The following CDH13 variants were observed in gnomAD, a reference collection of about 807,000 sequenced individuals.
CDH13 encodes the protein cadherin 13.
A neutral mutation model predicts 63.8 loss-of-function variants in CDH13; 24 were observed. The ratio of observed to expected loss-of-function variants is 0.38; its 90% CI spans 0.27 to 0.53. CDH13 has a LOEUF of 0.53. Ranked by LOEUF, CDH13 falls within the 20% of genes least tolerant of loss-of-function variation. The pLI is 0.85. For missense variants in CDH13, 1,049 were observed against 903.1 expected (o/e 1.16, Z -2.07); for synonymous variants, 503 against 355.3 (o/e 1.42, Z -4.67).
chr16:83,359,008 CTTCGTGT>C (rs1304958331), intron 6 of CDH13, among the ~76,000 whole-genome samples: 1 of 152,136 alleles, frequency 6.6e-6, no homozygotes, highest in Non-Finnish European at 1.5e-5. Context: ...AGTGTGCTGG[CTTCGTGT>C]CCACATTCCA....
At chr16:83,636,518 G>A (rs1273443593) in intron 8 of CDH13, among the ~76,000 whole-genome samples, 3 of 151,974 alleles carry the variant, frequency 2.0e-5, no homozygotes, top group Non-Finnish European at 4.4e-5. Flanking sequence ...CTCTCACTTC[G>A]GACTGAGAAC....
chr16:83,707,298 CTT>C (rs1209191975), intron 10 of CDH13, among the ~76,000 whole-genome samples: 1 of 152,192 alleles, frequency 6.6e-6, no homozygotes, highest in Non-Finnish European at 1.5e-5. Flanking sequence ...GAAGTAATCT[CTT>C]TCTCCTTGAA....
At chr16:83,681,709 A>G (rs1030350025) in intron 10 of CDH13, among the ~76,000 whole-genome samples, 6 of 152,124 alleles carry the variant, frequency 3.9e-5, no homozygotes, top group African/African-American at 1.2e-4. Context: ...AGGCTCATTA[A>G]TTATTTGCAG....
intron 8 of CDH13, among the ~76,000 whole-genome samples, chr16:83,616,055 C>T (rs1269126230): frequency 1.3e-5 from 2 of 152,004 alleles, no homozygotes; most frequent in East Asian, 3.9e-4. Flanking sequence ...TGAAGGGAAA[C>T]GTTTGTACAA....
Position 83,421,289 on chromosome 16 carries a change from A to C in CDH13, c.782-65188A>C, listed in dbSNP as rs551779597. On this transcript the variant is annotated intron_variant, in intron 6 of 13. Coordinates refer to ENST00000567109, the MANE Select transcript of CDH13 (RefSeq NM_001257.5). ...AATTGTTTAAGCTATATTAAGCTGC[A>C]AATAAATGAATTCCAGTACTAGATT... 5.9e-5 allele frequency among the ~76,000 whole-genome samples: 9 copies of C among 152,364 alleles called. No homozygotes were observed. The East Asian group carries it at 1.3e-3, about 23-fold the overall frequency.
At chr16:83,531,955 TC>T (rs2075092893) in intron 7 of CDH13, among the ~76,000 whole-genome samples, 1 of 152,142 alleles carries the variant, frequency 6.6e-6, no homozygotes, top group African/African-American at 2.4e-5. Context: ...TAATTTTAGC[TC>T]CCACAATTCC....
chr16:82,680,278 C>G (rs141898229), intron 1 of CDH13, among the ~76,000 whole-genome samples: 1 of 152,228 alleles, frequency 6.6e-6, no homozygotes, highest in Non-Finnish European at 1.5e-5. Flanking sequence ...ACATGTGACT[C>G]TGTTCTAAGT....
intron 6 of CDH13, among the ~76,000 whole-genome samples, chr16:83,484,576 G>A (rs1364291094): frequency 6.6e-6 from 1 of 152,196 alleles, no homozygotes; most frequent in East Asian, 1.9e-4. Context: ...AATTGCCAAA[G>A]CAATACATTC....
intron 2 of CDH13, among the ~76,000 whole-genome samples, chr16:82,956,584 A>G (rs371844263): frequency 6.6e-6 from 1 of 151,928 alleles, no homozygotes; most frequent in Non-Finnish European, 1.5e-5. Context: ...ATTACCCCCG[A>G]GTTTAAGTCC....
At chr16:82,865,113 C>T (rs928610823) in intron 2 of CDH13, among the ~76,000 whole-genome samples, 1 of 152,246 alleles carries the variant, frequency 6.6e-6, no homozygotes, top group Non-Finnish European at 1.5e-5. Flanking sequence ...GGCAGTTCCA[C>T]CCCCATGGCT....
chr16:83,739,863 T>C (rs1432990049), intron 10 of CDH13: 1 of 152,148 alleles, frequency 6.6e-6, no homozygotes, highest in African/African-American at 2.4e-5. Flanking sequence ...TCTTCTAGAT[T>C]CTATGTATGA....
At chr16:83,643,290 A>AG (rs1911470034) in intron 8 of CDH13, among the ~76,000 whole-genome samples, 1 of 110,798 alleles carries the variant, frequency 9.0e-6, no homozygotes, top group Non-Finnish European at 2.0e-5. Context: ...TAATAAAAAA[A>AG]AAAAAAAAAA....
chr16:83,419,029 C>T (rs1175480825), intron 6 of CDH13, among the ~76,000 whole-genome samples: 1 of 152,124 alleles, frequency 6.6e-6, no homozygotes, highest in Non-Finnish European at 1.5e-5. Flanking sequence ...CATCTGTTTT[C>T]TCAAACAGCC....
intron 11 of CDH13, among the ~76,000 whole-genome samples, chr16:83,750,617 A>T (rs967886019): frequency 1.3e-5 from 2 of 152,174 alleles, no homozygotes; most frequent in Admixed American, 1.3e-4. Context: ...CAAAGGGGGA[A>T]TTTGAAGACA....
intron 4 of CDH13, among the ~76,000 whole-genome samples, chr16:83,174,286 G>T (rs538882026): frequency 6.6e-6 from 1 of 152,100 alleles, no homozygotes; most frequent in East Asian, 1.9e-4. Flanking sequence ...TCCAATTAAT[G>T]CTGCATATAA....
At chr16:82,665,485 T>C (rs1222217242) in intron 1 of CDH13, among the ~76,000 whole-genome samples, 1 of 152,176 alleles carries the variant, frequency 6.6e-6, no homozygotes, top group Non-Finnish European at 1.5e-5. Context: ...TGGTTCAATA[T>C]ATGTTAAGTA....
At chr16:83,535,560 A>C (rs2075166530) in intron 7 of CDH13, among the ~76,000 whole-genome samples, 1 of 152,138 alleles carries the variant, frequency 6.6e-6, no homozygotes, top group Non-Finnish European at 1.5e-5. Context: ...CTGCTTTGCT[A>C]CTTCATTCGT....
intron 4 of CDH13, among the ~76,000 whole-genome samples, chr16:83,215,486 A>C (rs950855970): frequency 1.0e-5 from 1 of 98,420 alleles, no homozygotes; most frequent in Non-Finnish European, 2.1e-5. Flanking sequence ...TTTAATAAAC[A>C]ACATTTTTTA....
intron 1 of CDH13, among the ~76,000 whole-genome samples, chr16:82,852,135 GA>G (rs1352962208): frequency 1.3e-5 from 2 of 152,194 alleles, no homozygotes; most frequent in African/African-American, 4.8e-5. Flanking sequence ...TTTGTGGCAG[GA>G]AGTTTCTCTC....
Sources: gnomAD v4.1 joint callset for allele counts (sites outside exome capture counted in the v4.1 genomes callset) on GRCh38, gnomAD v4.1.1 for gene constraint, MANE v1.5 for transcripts, NCBI Gene and HGNC (gene_info 2026-07-23, HGNC 2026-07-21) for gene names.